The following SEC63 variants were observed in gnomAD, a reference collection of about 807,000 sequenced individuals.
SEC63 encodes the protein SEC63 protein translocation regulator, also known as translocation protein SEC63 homolog.
A neutral mutation model predicts 116.2 loss-of-function variants in SEC63; 56 were observed. The ratio of observed to expected loss-of-function variants is 0.48; its 90% CI spans 0.39 to 0.60. The LOEUF is 0.60. Among genes scored for constraint, SEC63 ranks in the 20% least tolerant of loss-of-function variants. The pLI, the probability that SEC63 is intolerant of heterozygous loss-of-function variation, is 0.00. For synonymous variants in SEC63, 273 were observed against 294.6 expected (o/e 0.93, Z 0.75); for missense variants, 668 against 900.0 (o/e 0.74, Z 3.30).
At chr6:107,905,523 C>T (rs982178925) in intron 10 of SEC63, among the ~76,000 whole-genome samples, 3 of 152,124 alleles carry the variant, frequency 2.0e-5, no homozygotes, top group Admixed American at 6.5e-5. Context: ...GAAATAATGT[C>T]GGTGAAAAAG....
chr6:107,956,849 A>G (rs913813317), intron 1 of SEC63, among the ~76,000 whole-genome samples: 1 of 152,318 alleles, frequency 6.6e-6, no homozygotes, highest in Admixed American at 6.5e-5. Flanking sequence ...AACCTGGACA[A>G]CCTAGACCTC....
chr6:107,954,189 A>T (rs2114524667), intron 1 of SEC63, among the ~76,000 whole-genome samples: 1 of 152,210 alleles, frequency 6.6e-6, no homozygotes, highest in East Asian at 1.9e-4. Flanking sequence ...GCTCTCTGAA[A>T]CATGTGCTGT....
Position 107,958,157 on chromosome 6 carries a change from ACGCCGCCGCCACCTCTGCCGCTGCCGC to A in SEC63, c.-175_-149del, listed in dbSNP as rs1266452804. 8 of 1,244,572 alleles carry A rather than the reference ACGCCGCCGCCACCTCTGCCGCTGCCGC, an allele frequency of 6.4e-6. No homozygotes were observed. Among genetic ancestry groups the A allele is most frequent in the South Asian group, 2.6e-5 (2 of 76,858 alleles). 77.1% of individuals were successfully genotyped at this position (1,244,572 alleles called of 1,614,324 possible). On this transcript the variant is annotated 5_prime_UTR_variant, in exon 1 of 21. Transcript: ENST00000369002. ...CCGCCCCCACGCCACTCTCACGGAC[ACGCCGCCGCCACCTCTGCCGCTGCCGC>A]CGCCGTCGCCAGCTCTCGCGAGAGG...
intron 16 of SEC63, among the ~76,000 whole-genome samples, chr6:107,888,181 G>C (rs541188962): frequency 6.6e-6 from 1 of 152,282 alleles, no homozygotes; most frequent in Non-Finnish European, 1.5e-5. Context: ...AATTACTTTG[G>C]GGAGTGTGGC....
At chr6:107,927,473 A>G (rs950264391) in intron 2 of SEC63, among the ~76,000 whole-genome samples, 2 of 152,178 alleles carry the variant, frequency 1.3e-5, no homozygotes, top group Non-Finnish European at 2.9e-5. Context: ...GAATGCTTCA[A>G]GATTAAGTAG....
chr6:107,927,543 C>T (rs1394762263), intron 2 of SEC63, among the ~76,000 whole-genome samples: 1 of 152,092 alleles, frequency 6.6e-6, no homozygotes, highest in Non-Finnish European at 1.5e-5. Context: ...TTTAATTCTT[C>T]CTTACCTAAA....
intron 1 of SEC63, among the ~76,000 whole-genome samples, chr6:107,934,942 TG>T (rs1241862323): frequency 3.1e-5 from 2 of 64,768 alleles, no homozygotes; most frequent in Non-Finnish European, 5.8e-5. Context: ...AGGAGGGAGG[TG>T]GGGGGGTCAG....
chr6:107,876,053 A>C (rs1290283242), intron 19 of SEC63, among the ~76,000 whole-genome samples: 1 of 152,196 alleles, frequency 6.6e-6, no homozygotes, highest in Non-Finnish European at 1.5e-5. Context: ...CCTAGAAAAA[A>C]AACACACACA....
intron 2 of SEC63, among the ~76,000 whole-genome samples, chr6:107,925,822 G>A (rs140612038): frequency 3.2e-4 from 48 of 152,298 alleles, no homozygotes; most frequent in African/African-American, 1.1e-3. Flanking sequence ...TTTCACTGTA[G>A]AGATGTATCA....
intron 16 of SEC63, among the ~76,000 whole-genome samples, chr6:107,893,107 TACACACACACAC>T (rs55814816): frequency 0.43 from 63,165 of 145,684 alleles, 14,142 homozygotes; most frequent in Middle Eastern, 0.57. Context: ...TGAAATACTA[TACACACACACAC>T]ACACACACAC....
chr6:107,914,304 G>C (rs1266621828), intron 4 of SEC63, among the ~76,000 whole-genome samples: 1 of 151,966 alleles, frequency 6.6e-6, no homozygotes, highest in Non-Finnish European at 1.5e-5. Flanking sequence ...GACATTCTTG[G>C]AGACCAACTG....
At chr6:107,900,260 A>G (rs900813244) in intron 13 of SEC63, among the ~76,000 whole-genome samples, 26 of 151,622 alleles carry the variant, frequency 1.7e-4, no homozygotes, top group Admixed American at 3.9e-4. Context: ...TTGGCCTCCC[A>G]AAGTGTTGGG....
At chr6:107,947,451 C>T (rs1770500179) in intron 1 of SEC63, among the ~76,000 whole-genome samples, 1 of 151,846 alleles carries the variant, frequency 6.6e-6, no homozygotes, top group Non-Finnish European at 1.5e-5. Context: ...TGTGCACGTG[C>T]AGTTCTAGCT....
chr6:107,900,710 T>C, intron 13 of SEC63, among the ~76,000 whole-genome samples: 1 of 152,178 alleles, frequency 6.6e-6, no homozygotes, highest in East Asian at 1.9e-4. Flanking sequence ...CCCTGTATTC[T>C]TGGTAACTAA....
At chr6:107,943,286 C>T (rs1317622321) in intron 1 of SEC63, among the ~76,000 whole-genome samples, 1 of 152,204 alleles carries the variant, frequency 6.6e-6, no homozygotes, top group Non-Finnish European at 1.5e-5. Flanking sequence ...GGCTCCATGT[C>T]CTGTCTATAG....
At chr6:107,931,520 C>A (rs1311995137) in intron 1 of SEC63, among the ~76,000 whole-genome samples, 1 of 151,144 alleles carries the variant, frequency 6.6e-6, no homozygotes, top group Non-Finnish European at 1.5e-5. Flanking sequence ...GAGGCCGAGG[C>A]AGGCAGATCA....
At chr6:107,879,554 A>C (rs1375792810) in intron 18 of SEC63, among the ~76,000 whole-genome samples, 1 of 151,964 alleles carries the variant, frequency 6.6e-6, no homozygotes, top group Non-Finnish European at 1.5e-5. Flanking sequence ...CAAACTCCTG[A>C]CCTCAGGTGA....
intron 1 of SEC63, 68 bp downstream of exon 1, chr6:107,957,818 G>C (rs1476897770): frequency 2.1e-5 from 30 of 1,403,548 alleles, no homozygotes; most frequent in Non-Finnish European, 2.7e-5. Flanking sequence ...GGGCAAGCGG[G>C]CGCCGCAGGG....
intron 1 of SEC63, among the ~76,000 whole-genome samples, chr6:107,934,660 G>A (rs1243189072): frequency 1.6e-5 from 2 of 126,106 alleles, no homozygotes; most frequent in African/African-American, 6.2e-5. Flanking sequence ...ACCCCGTCCA[G>A]GAGGGAGGTG....
Sources: allele counts gnomAD v4.1 joint callset (sites outside exome capture counted in the v4.1 genomes callset), GRCh38; gene constraint gnomAD v4.1.1; transcripts MANE v1.5; gene names NCBI Gene and HGNC (gene_info 2026-07-23, HGNC 2026-07-21).